The following SSBP4 variants were observed in gnomAD, a reference collection of about 807,000 sequenced individuals.
SSBP4 encodes single stranded DNA binding protein 4.
SSBP4 carries 33 observed loss-of-function variants against 64.6 expected under a neutral mutation model. The ratio of observed to expected loss-of-function variants is 0.51; its 90% confidence interval spans 0.39 to 0.68. The LOEUF (loss-of-function observed/expected upper bound fraction) is 0.68. Ranked by LOEUF, SSBP4 falls within the 30% of genes least tolerant of loss-of-function variation. The pLI is 0.00. For synonymous variants in SSBP4, 243 were observed against 224.0 expected, an observed-to-expected ratio of 1.08 and a Z score of -0.76; for missense variants, 583 against 566.8, an observed-to-expected ratio of 1.03 and a Z score of -0.29.
chr19:18,405,337 C>A, the SSBP4 span, among the ~76,000 whole-genome samples: 1 of 152,150 alleles, frequency 6.6e-6, no homozygotes, highest in Non-Finnish European at 1.5e-5. Context: ...CTCTCTGTGA[C>A]AGCCATGAGG....
Position 18,432,681 on chromosome 19 carries a change from C to T in SSBP4, c.751-19C>T. ...GGTGAGCCGCCTGGCTGACTGCTCACAGCTGCCCTTGTCCCCAGATCCCCT... is the reference window on the plus strand; with the variant it reads ...GGTGAGCCGCCTGGCTGACTGCTCATAGCTGCCCTTGTCCCCAGATCCCCT... On this transcript the variant is annotated intron_variant, in intron 11 of 17. Transcript: ENST00000270061. 4 of 1,566,168 alleles carry T rather than the reference C, an allele frequency of 2.6e-6. No individual in the cohort carries two copies. The highest frequency in any genetic ancestry group is 3.5e-6 in the Non-Finnish European group (4 of 1,151,968).
chr19:18,416,906 C>T (rs1972139149), upstream of SSBP4, among the ~76,000 whole-genome samples: 1 of 152,226 alleles, frequency 6.6e-6, no homozygotes, highest in South Asian at 2.1e-4. Flanking sequence ...TCCCCGACGC[C>T]GCGTGGGACC....
chr19:18,432,920 G>C (rs765280484), intron 13 of SSBP4, 37 bp downstream of exon 13: 1 of 1,614,048 alleles, frequency 6.2e-7, no homozygotes, highest in South Asian at 1.1e-5. Context: ...TGCTAGGGTG[G>C]GTGTGTTTGG....
At position 18,431,060 on chromosome 19, in the gene SSBP4, C is replaced by T. The variant is rs936138953; in HGVS notation, c.369+130C>T. On this transcript the variant is annotated intron_variant, in intron 5 of 17. Coordinates refer to ENST00000270061, the MANE Select transcript of SSBP4 (RefSeq NM_032627.5). ...AGTTGGGTGGGAGGGTCCTCTGTGC[C>T]GCAGGTGTGCCCAGGTGGGCCTTTC... 1.5e-5 allele frequency: 17 copies of T among 1,124,536 alleles called. 1 individual carries two copies. Among genetic ancestry groups the T allele is most frequent in the African/African-American group, 9.3e-5 (6 of 64,304 alleles). 69.7% of individuals were successfully genotyped at this position (1,124,536 alleles called of 1,614,324 possible).
At chr19:18,413,474 A>G in the SSBP4 span, among the ~76,000 whole-genome samples, 2 of 151,614 alleles carry the variant, frequency 1.3e-5, no homozygotes, top group Non-Finnish European at 2.9e-5. Flanking sequence ...TTGGCCTCCC[A>G]AAGTGCTGGG....
At position 18,433,566 on chromosome 19, in the gene SSBP4, T is replaced by C. The variant is rs1219587678; in HGVS notation, c.992-19T>C. On this transcript the variant is annotated intron_variant, in intron 15 of 17. Coordinates refer to ENST00000270061, the MANE Select transcript of SSBP4 (RefSeq NM_032627.5). Reference sequence around the variant, plus strand: ...GCCAGCACGTCTGAGCCGGTGCCCGTGTCTGTCCGTGTCTGTAGGCTCGGG... The same window carrying C: ...GCCAGCACGTCTGAGCCGGTGCCCGCGTCTGTCCGTGTCTGTAGGCTCGGG... 1.5e-5 allele frequency: 23 copies of C among 1,543,822 alleles called. No homozygotes were observed. Among genetic ancestry groups the C allele is most frequent in the Non-Finnish European group, 1.8e-5 (21 of 1,144,966 alleles).
intron 1 of SSBP4, among the ~76,000 whole-genome samples, chr19:18,420,897 A>G (rs889354216): frequency 1.3e-5 from 2 of 150,278 alleles, no homozygotes; most frequent in African/African-American, 4.9e-5. Flanking sequence ...GGAGGAGGGG[A>G]GTCTTGTCAT....
upstream of SSBP4, chr19:18,418,856 G>A (rs927888837): frequency 3.4e-6 from 2 of 585,830 alleles, no homozygotes; most frequent in Non-Finnish European, 4.3e-6. This position sits in a 1 kb window ranked among gnomAD's most constrained non-coding sequence, Gnocchi z 6.7. Context: ...GAGGCTGGGT[G>A]CCTGTGTGCG....
chr19:18,427,636 C>T lies in SSBP4; in HGVS notation c.133-116C>T, dbSNP rs1406720895. On this transcript the variant is annotated intron_variant, in intron 2 of 17. Transcript: ENST00000270061. The surrounding 1 kb of genome is among the most constrained non-coding windows in gnomAD (Gnocchi z 4.4). Reference sequence around the variant, plus strand: ...CACACATCCTGGGGCCCTCTGCCCACCCTGTTACCCTTCCCTCCCCACTCC... The same window carrying T: ...CACACATCCTGGGGCCCTCTGCCCATCCTGTTACCCTTCCCTCCCCACTCC... The T allele has an allele frequency of 7.6e-7, 1 of 1,316,106 alleles. No homozygotes were observed. Among genetic ancestry groups the T allele is most frequent in the Non-Finnish European group, 1.0e-6 (1 of 971,656 alleles). 81.5% of individuals were successfully genotyped at this position (1,316,106 alleles called of 1,614,324 possible). A position where few individuals can be genotyped will look rare whatever the true frequency, so the allele number is the denominator to read the frequency against.
At chr19:18,419,374 C>G, upstream of SSBP4, 1 of 1,025,376 alleles carries the variant, frequency 9.8e-7, no homozygotes, top group East Asian at 9.2e-5. Context: ...CGGGGGCGCG[C>G]GCGGCGGGAG....
upstream of SSBP4, among the ~76,000 whole-genome samples, chr19:18,414,285 G>A (rs376173941): frequency 3.3e-5 from 5 of 152,142 alleles, no homozygotes; most frequent in African/African-American, 1.2e-4. Context: ...CTCACATGAC[G>A]TCCTTGGTTC....
Position 18,433,010 on chromosome 19 carries a change from G to C in SSBP4, c.879G>C (p.Met293Ile). ...CCAGCGAAAACATGTACACTATCAT[G>C]AACCCCATCGGGCAGGGCGCCGGCA... ...TNSSENMYTI[M>I]NPIGQGAGRA... The change falls in exon 14 of 18, where the codon ATG becomes ATC. Residue 293 changes from methionine to isoleucine, a missense_variant. Met to Ile is a conservative substitution (Grantham distance 10). This residue lies in a region of SSBP4 where 444 missense variants were observed against 386.6 expected (regional missense o/e 1.15). Transcript: ENST00000270061. 3 of 1,614,090 alleles carry C rather than the reference G, an allele frequency of 1.9e-6. No individual in the cohort carries two copies. The highest frequency in any genetic ancestry group is 1.7e-6 in the Non-Finnish European group (2 of 1,180,010).
chr19:18,419,852 C>A, intron 1 of SSBP4, 145 bp downstream of exon 1: 1 of 330,362 alleles, frequency 3.0e-6, no homozygotes, highest in Non-Finnish European at 4.2e-6. Flanking sequence ...TTGGCGGGGG[C>A]GCGCGACCCC....
At chr19:18,431,548 G>C in intron 6 of SSBP4, 99 bp from the exon 7 acceptor site, 1 of 1,459,154 alleles carries the variant, frequency 6.9e-7, no homozygotes, top group Non-Finnish European at 9.2e-7. Flanking sequence ...TTCTGGAGGA[G>C]GGGGCTCCCC....
chr19:18,427,273 T>G lies in SSBP4; in HGVS notation c.60-78T>G. The G allele has an allele frequency of 6.6e-7, 1 of 1,508,418 alleles. No homozygotes were observed. Among genetic ancestry groups the G allele is most frequent in the Non-Finnish European group, 9.0e-7 (1 of 1,106,522 alleles). The allele number at this position is 1,508,418 out of a possible 1,614,324, so 93.4% of individuals were successfully genotyped here. A position where few individuals can be genotyped will look rare whatever the true frequency, so the allele number is the denominator to read the frequency against. Reference sequence around the variant, plus strand: ...GGGGAGGCCACCTTTCCACCCGCCCTCCTGAGAGATGGAGGGGCTTTGGGG... The same window carrying G: ...GGGGAGGCCACCTTTCCACCCGCCCGCCTGAGAGATGGAGGGGCTTTGGGG... On this transcript the variant is annotated intron_variant, in intron 1 of 17. Coordinates refer to ENST00000270061, the MANE Select transcript of SSBP4 (RefSeq NM_032627.5). The surrounding 1 kb of genome is among the most constrained non-coding windows in gnomAD (Gnocchi z 4.4).
At chr19:18,404,782 C>T in the SSBP4 span, among the ~76,000 whole-genome samples, 403 of 147,664 alleles carry the variant, frequency 2.7e-3, 4 homozygotes, top group Non-Finnish European at 3.7e-3. Context: ...GTCCCAGCTA[C>T]CGGGGAGGCT....
chr19:18,434,344 C>T lies in SSBP4; in HGVS notation c.*98C>T. On this transcript the variant is annotated 3_prime_UTR_variant, in exon 18 of 18. Coordinates refer to ENST00000270061, the MANE Select transcript of SSBP4 (RefSeq NM_032627.5). ...AGGTCACACCTCGGGCACCTGGACT[C>T]CTGGCCAATCAAGGCTTGCCCAGCT... The T allele has an allele frequency of 1.3e-6, 2 of 1,531,494 alleles. No homozygotes were observed. Among genetic ancestry groups the T allele is most frequent in the Non-Finnish European group, 8.8e-7 (1 of 1,142,340 alleles). The allele number at this position is 1,531,494 out of a possible 1,614,324, so 94.9% of individuals were successfully genotyped here. A position where few individuals can be genotyped will look rare whatever the true frequency, so the allele number is the denominator to read the frequency against.
intron 11 of SSBP4, 36 bp from the exon 12 acceptor site, chr19:18,432,664 G>T: frequency 6.4e-7 from 1 of 1,556,502 alleles, no homozygotes; most frequent in Non-Finnish European, 8.7e-7. Flanking sequence ...TGGGTGAGCC[G>T]CCTGGCTGAC....
intron 6 of SSBP4, 34 bp downstream of exon 6, chr19:18,431,452 C>A: frequency 8.1e-7 from 1 of 1,228,290 alleles, no homozygotes; most frequent in Non-Finnish European, 1.2e-6. Context: ...CTCACACACA[C>A]ACATCCCCTC....
Sources: gnomAD v4.1 joint callset for allele counts (sites outside exome capture counted in the v4.1 genomes callset) on GRCh38, gnomAD v4.1.1 for gene constraint, gnomAD v4.1.1 regional missense constraint, Gnocchi (gnomAD v3.1) non-coding constraint, MANE v1.5 for transcripts, NCBI Gene and HGNC (gene_info 2026-07-23, HGNC 2026-07-21) for gene names.